Variants in STT3B observed in about 807,000 individuals in gnomAD.
STT3B encodes the protein STT3 oligosaccharyltransferase complex catalytic subunit B.
STT3B carries 29 observed loss-of-function variants against 96.8 expected under a neutral mutation model. The ratio of observed to expected loss-of-function variants is 0.30; its 90% CI spans 0.22 to 0.41. The LOEUF (loss-of-function observed/expected upper bound fraction) is 0.41, where lower values mean the gene tolerates loss of function less well. Ranked by LOEUF, STT3B falls within the 10% of genes least tolerant of loss-of-function variation. The probability of loss-of-function intolerance (pLI) is 1.00; values close to 1 mark genes in which losing one functional copy is unlikely to be tolerated. For synonymous variants in STT3B, 367 were observed against 360.0 expected (o/e 1.02, Z -0.22); for missense variants, 640 against 1,022.3 (o/e 0.63, Z 5.10).
chr3:31,571,401 A>C (rs1447704763), intron 1 of STT3B, among the ~76,000 whole-genome samples: 1 of 151,582 alleles, frequency 6.6e-6, no homozygotes, highest in African/African-American at 2.4e-5. Flanking sequence ...TAAGGGCTTT[A>C]TTTTATTCTA....
intron 14 of STT3B, among the ~76,000 whole-genome samples, chr3:31,632,634 G>A (rs1200435842): frequency 6.7e-6 from 1 of 149,888 alleles, no homozygotes; most frequent in Admixed American, 6.7e-5. Flanking sequence ...CCTATAAAAA[G>A]GGCTTTGATA....
At chr3:31,613,243 C>T (rs1048862774) in intron 5 of STT3B, among the ~76,000 whole-genome samples, 9 of 152,104 alleles carry the variant, frequency 5.9e-5, no homozygotes, top group Admixed American at 4.6e-4. Flanking sequence ...AAGGCTTTTT[C>T]ATTCAGTTTG....
chr3:31,584,846 A>C (rs1490603934), intron 3 of STT3B, among the ~76,000 whole-genome samples: 2 of 152,242 alleles, frequency 1.3e-5, no homozygotes, highest in South Asian at 2.1e-4. Context: ...TTTTCTCTTA[A>C]GATACAGAAA....
chr3:31,597,384 A>G (rs1698817021), intron 4 of STT3B, among the ~76,000 whole-genome samples: 2 of 151,514 alleles, frequency 1.3e-5, no homozygotes, highest in African/African-American at 4.9e-5. Flanking sequence ...GGTCTTGTAC[A>G]CCTGACCTCA....
intron 14 of STT3B, 126 bp from the exon 15 acceptor site, chr3:31,632,809 T>A (rs1166019586): frequency 3.7e-6 from 3 of 807,292 alleles, no homozygotes; most frequent in African/African-American, 3.5e-5. Flanking sequence ...TTAAGGTAGA[T>A]AGATTACTTG....
chr3:31,541,472 GTTTTT>G (rs1302731899), intron 1 of STT3B, among the ~76,000 whole-genome samples: 1 of 106,942 alleles, frequency 9.4e-6, no homozygotes. Context: ...TTCTTTTTTT[GTTTTT>G]TTTTTTTTTT....
chr3:31,547,777 T>G (rs1697451895), intron 1 of STT3B, among the ~76,000 whole-genome samples: 1 of 152,172 alleles, frequency 6.6e-6, no homozygotes, highest in Admixed American at 6.5e-5. Context: ...GACAATAAAT[T>G]TGTAGACACT....
intron 1 of STT3B, among the ~76,000 whole-genome samples, chr3:31,569,035 G>T (rs1698076510): frequency 6.6e-6 from 1 of 151,912 alleles, no homozygotes; most frequent in African/African-American, 2.4e-5. Flanking sequence ...TTAAAGACGG[G>T]ATCTTGCTCT....
chr3:31,629,287 C>T lies in STT3B; in HGVS notation c.2074-11C>T, dbSNP rs1360347702. 6.7e-7 allele frequency: 1 copy of T among 1,492,204 alleles called. No homozygotes were observed. The highest frequency in any genetic ancestry group is 9.3e-7 in the Non-Finnish European group (1 of 1,074,336). 92.4% of individuals were successfully genotyped at this position (1,492,204 alleles called of 1,614,324 possible). On this transcript the variant is annotated splice_polypyrimidine_tract_variant and intron_variant, in intron 13 of 15. Coordinates refer to ENST00000295770, the MANE Select transcript of STT3B (RefSeq NM_178862.3). ...TGAACTAACATAGAACTTGTGGTTT[C>T]TTTCTTGTAGGAAAGTGACTATTTT...
chr3:31,577,308 G>A (rs1698285742), intron 2 of STT3B, among the ~76,000 whole-genome samples: 2 of 152,060 alleles, frequency 1.3e-5, no homozygotes, highest in African/African-American at 4.8e-5. Flanking sequence ...ATTATTAAGA[G>A]ATGCATTTTA....
chr3:31,586,754 T>C (rs1187288002), intron 3 of STT3B, among the ~76,000 whole-genome samples: 1 of 152,178 alleles, frequency 6.6e-6, no homozygotes, highest in African/African-American at 2.4e-5. Flanking sequence ...AACAATACCT[T>C]ATGTTGTTTT....
At chr3:31,582,432 C>T (rs1698429225) in intron 3 of STT3B, among the ~76,000 whole-genome samples, 1 of 151,406 alleles carries the variant, frequency 6.6e-6, no homozygotes, top group Non-Finnish European at 1.5e-5. Flanking sequence ...GTAGCTGGGA[C>T]TACAGGCGCC....
chr3:31,624,050 T>C (rs1699481696), intron 11 of STT3B, among the ~76,000 whole-genome samples, 189 bp downstream of exon 11: 1 of 152,232 alleles, frequency 6.6e-6, no homozygotes, highest in Admixed American at 6.5e-5. Flanking sequence ...ATTTATGTCT[T>C]TTGATACAGG....
chr3:31,569,812 G>C (rs1243334761), intron 1 of STT3B, among the ~76,000 whole-genome samples: 1 of 152,052 alleles, frequency 6.6e-6, no homozygotes, highest in African/African-American at 2.4e-5. Flanking sequence ...GTGTGTGAGA[G>C]TATGTGTGAG....
intron 8 of STT3B, 122 bp from the exon 9 acceptor site, chr3:31,619,554 T>G: frequency 1.3e-6 from 1 of 767,978 alleles, no homozygotes; most frequent in Non-Finnish European, 2.1e-6. Context: ...TTGGAAGGTA[T>G]ATTTAAATAA....
rs1483412192 is a variant in STT3B, at chr3:31,569,615, A to T, written c.315-6781A>T. Among the ~76,000 whole-genome samples the T allele has an allele frequency of 3.3e-5, 5 of 152,190 alleles. No individual in the cohort carries two copies. In the East Asian group the frequency reaches 5.8e-4, roughly 18 times the overall value. ...TTTTGTCACACTTGCTTCAAAACAG[A>T]TTCTTTTATTATAGTTAAAATAGTA... On this transcript the variant is annotated intron_variant, in intron 1 of 15. Transcript: ENST00000295770.
chr3:31,555,860 G>A (rs1697694555), intron 1 of STT3B, among the ~76,000 whole-genome samples: 1 of 152,034 alleles, frequency 6.6e-6, no homozygotes, highest in Admixed American at 6.5e-5. Context: ...TTATTTAGGG[G>A]TATCCATCTT....
chr3:31,616,791 A>G, intron 6 of STT3B, 138 bp from the exon 7 acceptor site: 2 of 690,744 alleles, frequency 2.9e-6, no homozygotes, highest in South Asian at 7.4e-5. Flanking sequence ...CATTTGACAA[A>G]GGAAATGTTG....
At chr3:31,587,909 A>T (rs1055947817) in intron 3 of STT3B, among the ~76,000 whole-genome samples, 3 of 152,138 alleles carry the variant, frequency 2.0e-5, no homozygotes, top group African/African-American at 4.8e-5. Context: ...TTTCATGACT[A>T]CTTGGTAGGG....
Sources: gnomAD v4.1 joint callset for allele counts (sites outside exome capture counted in the v4.1 genomes callset) on GRCh38, gnomAD v4.1.1 for gene constraint, MANE v1.5 for transcripts, NCBI Gene and HGNC (gene_info 2026-07-23, HGNC 2026-07-21) for gene names.